ABCC4: variants seen among roughly 807,000 people sequenced by gnomAD.
The protein encoded by ABCC4 is ATP binding cassette subfamily C member 4 (PEL blood group).
Under a neutral mutation model 168.5 loss-of-function variants are expected in ABCC4, and 102 were observed. That is an observed-to-expected ratio of 0.61 (90% confidence interval 0.52 to 0.71). ABCC4 has a LOEUF of 0.71. ABCC4 is among the 30% of genes least tolerant of loss of function. The pLI is 0.00. For synonymous variants in ABCC4, 617 were observed against 590.7 expected (o/e 1.04, Z -0.65); for missense variants, 1,402 against 1,605.8 (o/e 0.87, Z 2.17).
At chr13:95,298,444 C>G (rs528382500) in intron 1 of ABCC4, among the ~76,000 whole-genome samples, 2 of 152,308 alleles carry the variant, frequency 1.3e-5, no homozygotes, top group Admixed American at 6.5e-5. Flanking sequence ...TCACCACCCC[C>G]ACCCACACAC....
chr13:95,189,124 CTTTTTTTTTTTTT>C (rs61449462), intron 9 of ABCC4, among the ~76,000 whole-genome samples: 5 of 67,264 alleles, frequency 7.4e-5, no homozygotes, highest in South Asian at 1.2e-3. Context: ...AAACAATATT[CTTTTTTTTTTTTT>C]TTTTTTTTTT....
intron 20 of ABCC4, among the ~76,000 whole-genome samples, chr13:95,088,201 C>A (rs990685952): frequency 6.6e-6 from 1 of 152,106 alleles, no homozygotes; most frequent in African/African-American, 2.4e-5. Flanking sequence ...TTCCTTTGTA[C>A]ATTTTTTCCA....
intron 19 of ABCC4, among the ~76,000 whole-genome samples, chr13:95,130,683 C>T (rs938319864): frequency 6.6e-6 from 1 of 152,072 alleles, no homozygotes; most frequent in Non-Finnish European, 1.5e-5. Flanking sequence ...TCAATAAAGT[C>T]ATTAAAAATA....
intron 3 of ABCC4, among the ~76,000 whole-genome samples, chr13:95,241,175 C>T (rs980471266): frequency 6.6e-6 from 1 of 151,874 alleles, no homozygotes; most frequent in Non-Finnish European, 1.5e-5. Context: ...CCATCCTGGC[C>T]AACATGGTGA....
Position 95,161,314 on chromosome 13 carries a change from A to C in ABCC4, c.2330T>G (p.Leu777Arg). The change falls in exon 19 of 31, where the codon CTT becomes CGT. Residue 777 changes from leucine to arginine, a missense_variant. Leu to Arg is a moderately radical substitution (Grantham distance 102). Transcript: ENST00000645237. ...IYSGLTVATV[L>R]FGIARSLLVF... Reference sequence around the variant, plus strand: ...CAATAGAGATCTTGCTATGCCAAAAAGAACGGTAGCTACAGTTAAACCTGA... The same window carrying C: ...CAATAGAGATCTTGCTATGCCAAAACGAACGGTAGCTACAGTTAAACCTGA... 6.3e-7 allele frequency: 1 copy of C among 1,592,612 alleles called. No individual in the cohort carries two copies. The highest frequency in any genetic ancestry group is 8.5e-7 in the Non-Finnish European group (1 of 1,173,540).
At chr13:95,206,303 G>C (rs2038777034) in intron 8 of ABCC4, among the ~76,000 whole-genome samples, 1 of 152,164 alleles carries the variant, frequency 6.6e-6, no homozygotes, top group African/African-American at 2.4e-5. Flanking sequence ...CAAAAGCCCT[G>C]TGCCACTGCT....
chr13:95,227,863 C>T (rs555043320), intron 4 of ABCC4, among the ~76,000 whole-genome samples: 4 of 152,080 alleles, frequency 2.6e-5, no homozygotes, highest in Non-Finnish European at 5.9e-5. Flanking sequence ...GCGTGCACCA[C>T]CATGCCAGGC....
intron 27 of ABCC4, among the ~76,000 whole-genome samples, chr13:95,052,572 G>A (rs1436167729): frequency 1.3e-5 from 2 of 152,128 alleles, no homozygotes; most frequent in Non-Finnish European, 2.9e-5. Flanking sequence ...AGGCTGCAGG[G>A]TTCTGTTATC....
chr13:95,221,989 C>G (rs565998828), intron 4 of ABCC4, among the ~76,000 whole-genome samples: 1 of 152,188 alleles, frequency 6.6e-6, no homozygotes, highest in Admixed American at 6.5e-5. Context: ...GATTTCCAGG[C>G]CCTTTCTCTA....
chr13:95,209,521 A>G lies in ABCC4; in HGVS notation c.698T>C (p.Ile233Thr), dbSNP rs768717595. The stretch of plus-strand genomic sequence containing the variant: ...CATCCCAGCAAGGCACGATATTCCT[A>G]TCTCCATCCAGAGTAGGGCAGTCAC... ...IAVTALLWME[I>T]GISCLAGMAV... Residue 233 changes from isoleucine to threonine, a missense_variant, in exon 6 of 31, where the codon ATA becomes ACA. By Grantham distance (89) the Ile-to-Thr change is moderately conservative. This residue lies in a region of ABCC4 where 317 missense variants were observed against 345.5 expected (regional missense o/e 0.92). Coordinates refer to ENST00000645237, the MANE Select transcript of ABCC4 (RefSeq NM_005845.5). 1.2e-6 allele frequency: 2 copies of G among 1,614,198 alleles called. No individual in the cohort carries two copies. Among genetic ancestry groups the G allele is most frequent in the East Asian group, 2.2e-5 (1 of 44,890 alleles).
rs1198912316 is a variant in ABCC4, at chr13:95,058,583, AAAAAAAAAAG to A, written c.3366+4111_3366+4120del. ...ACTCCATCTCAAAAAAAAAAAAAAA[AAAAAAAAAAG>A]AAAAGAAAAAGAAAAAGAAAAGAAA... On this transcript the variant is annotated intron_variant, in intron 26 of 30. Transcript: ENST00000645237. Among the ~76,000 whole-genome samples, 4 of 84,766 alleles carry A rather than the reference AAAAAAAAAAG, an allele frequency of 4.7e-5. No homozygotes were observed. In the East Asian group the frequency reaches 1.4e-3, roughly 30 times the overall value. 55.6% of individuals were successfully genotyped at this position (84,766 alleles called of 152,430 possible).
intron 30 of ABCC4, among the ~76,000 whole-genome samples, chr13:95,028,663 A>G (rs2031663967): frequency 6.6e-6 from 1 of 152,188 alleles, no homozygotes; most frequent in African/African-American, 2.4e-5. Context: ...AATGCATTCA[A>G]GAAGAAGCAA....
chr13:95,280,572 T>TAAAA (rs61654581), intron 1 of ABCC4, among the ~76,000 whole-genome samples: 10 of 131,012 alleles, frequency 7.6e-5, no homozygotes, highest in African/African-American at 2.6e-4. Flanking sequence ...TGCCTTCTAT[T>TAAAA]AAAAAAAAAA....
At chr13:95,091,984 C>T (rs957547299) in intron 20 of ABCC4, among the ~76,000 whole-genome samples, 3 of 151,974 alleles carry the variant, frequency 2.0e-5, no homozygotes, top group South Asian at 2.1e-4. Context: ...TCATGCAAAT[C>T]GACATGAAAC....
chr13:95,181,449 T>C (rs2037887411), intron 11 of ABCC4, among the ~76,000 whole-genome samples: 1 of 152,240 alleles, frequency 6.6e-6, no homozygotes, highest in Non-Finnish European at 1.5e-5. Flanking sequence ...AACTCTTCTA[T>C]GAAACTAACC....
intron 29 of ABCC4, among the ~76,000 whole-genome samples, chr13:95,036,427 C>T (rs1216162455): frequency 6.6e-6 from 1 of 151,982 alleles, no homozygotes; most frequent in Non-Finnish European, 1.5e-5. Flanking sequence ...GTAAATCTTT[C>T]CAGATTCCCT....
At chr13:95,185,878 T>A (rs1424014181) in intron 11 of ABCC4, among the ~76,000 whole-genome samples, 1 of 152,002 alleles carries the variant, frequency 6.6e-6, no homozygotes, top group Non-Finnish European at 1.5e-5. Flanking sequence ...CAATGAAAAA[T>A]AAATTTTAAA....
intron 30 of ABCC4, among the ~76,000 whole-genome samples, chr13:95,025,236 TA>T (rs2031387323): frequency 1.6e-4 from 1 of 6,392 alleles, no homozygotes; most frequent in African/African-American, 7.2e-4. Flanking sequence ...CACACACCCA[TA>T]CACACACACC....
At chr13:95,038,542 G>T (rs1389314699) in intron 29 of ABCC4, among the ~76,000 whole-genome samples, 1 of 152,056 alleles carries the variant, frequency 6.6e-6, no homozygotes, top group Non-Finnish European at 1.5e-5. Flanking sequence ...TTGAGGAATG[G>T]ACAGACTTAG....
Sources: gnomAD v4.1 joint callset for allele counts (sites outside exome capture counted in the v4.1 genomes callset) on GRCh38, gnomAD v4.1.1 for gene constraint, gnomAD v4.1.1 regional missense constraint, MANE v1.5 for transcripts, NCBI Gene and HGNC (gene_info 2026-07-23, HGNC 2026-07-21) for gene names.